The following ROBO2 variants were observed in gnomAD, a reference collection of about 807,000 sequenced individuals.
The protein encoded by ROBO2 is roundabout homolog 2.
In ROBO2, 53 loss-of-function variants were observed where a neutral mutation model predicts 160.8. The ratio of observed to expected loss-of-function variants is 0.33; its 90% CI spans 0.26 to 0.41. The LOEUF (loss-of-function observed/expected upper bound fraction) is 0.41, where lower values mean the gene tolerates loss of function less well. Among genes scored for constraint, ROBO2 ranks in the 10% least tolerant of loss-of-function variants. The pLI, the probability that ROBO2 is intolerant of heterozygous loss-of-function variation, is 1.00. For missense variants in ROBO2, 1,577 were observed against 1,722.4 expected (o/e 0.92, Z 1.49); for synonymous variants, 664 against 611.7 (o/e 1.09, Z -1.26).
intron 4 of ROBO2, among the ~76,000 whole-genome samples, chr3:77,481,691 C>T (rs1405212600): frequency 6.6e-6 from 1 of 152,122 alleles, no homozygotes; most frequent in Admixed American, 6.5e-5. Context: ...TGTATGCACA[C>T]ATATAAATTC....
intron 2 of ROBO2, among the ~76,000 whole-genome samples, chr3:77,372,501 A>G (rs1324244362): frequency 6.6e-6 from 1 of 152,200 alleles, no homozygotes; most frequent in Non-Finnish European, 1.5e-5. Context: ...AATCTCTCAG[A>G]CAACAGATAA....
intron 2 of ROBO2, among the ~76,000 whole-genome samples, chr3:77,292,711 C>A (rs372564282): frequency 1.2e-5 from 1 of 84,046 alleles, no homozygotes; most frequent in Non-Finnish European, 3.5e-5. Flanking sequence ...TCACCCCAGA[C>A]ATAAAGTAAA....
In ROBO2 at chr3:76,735,786, A is replaced by AGG. The variant is rs71104616; in HGVS notation, c.110-362225_110-362224dup. Reference sequence around the variant, plus strand: ...AAAAAAAAAAAAAAAGAAAAAAAAAAGGGGAAAGGGAAAAGAAAAAAGAAA... The same window carrying AGG: ...AAAAAAAAAAAAAAAGAAAAAAAAAAGGGGGGAAAGGGAAAAGAAAAAAGAAA... On this transcript the variant is annotated intron_variant, in intron 2 of 26. Transcript: ENST00000487694. 8.2e-3 allele frequency among the ~76,000 whole-genome samples: 1,043 copies of AGG among 126,596 alleles called. 13 individuals are homozygous for AGG. Among genetic ancestry groups the AGG allele is most frequent in the African/African-American group, 0.029 (987 of 34,024 alleles). The allele number at this position is 126,596 out of a possible 152,430, so 83.1% of individuals were successfully genotyped here.
intron 13 of ROBO2, among the ~76,000 whole-genome samples, chr3:77,573,985 A>G (rs1196274628): frequency 2.6e-5 from 4 of 151,956 alleles, no homozygotes; most frequent in Non-Finnish European, 5.9e-5. Flanking sequence ...TTTTATCCCC[A>G]GAGCTCAGCA....
At chr3:77,211,037 C>T (rs540190045) in intron 2 of ROBO2, among the ~76,000 whole-genome samples, 10 of 152,104 alleles carry the variant, frequency 6.6e-5, no homozygotes, top group East Asian at 3.9e-4. Context: ...TGAATAGTGC[C>T]GCAATAAACA....
At chr3:76,273,632 T>TCATGAGAACTCACTCACGAA (rs1172727388) in intron 2 of ROBO2, among the ~76,000 whole-genome samples, 7 of 152,036 alleles carry the variant, frequency 4.6e-5, no homozygotes, top group African/African-American at 1.7e-4. Context: ...CCATCAGATC[T>TCATGAGAACTCACTCACGAA]CATGAGAACT....
At chr3:76,240,885 T>C (rs557230919) in intron 2 of ROBO2, among the ~76,000 whole-genome samples, 28 of 152,286 alleles carry the variant, frequency 1.8e-4, no homozygotes, top group African/African-American at 6.7e-4. Flanking sequence ...ATGTCAGAAC[T>C]TAGTAAATGA....
chr3:76,706,529 A>G (rs28639836), intron 2 of ROBO2, among the ~76,000 whole-genome samples: 2,519 of 152,050 alleles, frequency 0.017, 60 homozygotes, highest in African/African-American at 0.056. Context: ...AGAATGTCAC[A>G]TGGTTGATTG....
At chr3:76,401,205 GA>G (rs574235968) in intron 2 of ROBO2, among the ~76,000 whole-genome samples, 214 of 151,442 alleles carry the variant, frequency 1.4e-3, no homozygotes, top group South Asian at 2.5e-3. Context: ...AACATTGCAA[GA>G]AAAAAATGTA....
intron 2 of ROBO2, among the ~76,000 whole-genome samples, chr3:76,045,245 C>A (rs569213550): frequency 1.3e-5 from 2 of 152,028 alleles, no homozygotes; most frequent in African/African-American, 2.4e-5. Context: ...TAGCAAAATT[C>A]TTTTACACCT....
intron 2 of ROBO2, among the ~76,000 whole-genome samples, chr3:76,546,905 T>G (rs1432580518): frequency 6.6e-6 from 1 of 151,970 alleles, no homozygotes; most frequent in Non-Finnish European, 1.5e-5. Flanking sequence ...AGGTAAAGTT[T>G]CAACCTCAAG....
intron 2 of ROBO2, among the ~76,000 whole-genome samples, chr3:76,498,035 C>A (rs2080249899): frequency 6.6e-6 from 1 of 152,170 alleles, no homozygotes; most frequent in African/African-American, 2.4e-5. Context: ...TTTACTCATT[C>A]ATTGTCTGCC....
chr3:76,215,918 A>C (rs952465368), intron 2 of ROBO2, among the ~76,000 whole-genome samples: 12 of 152,198 alleles, frequency 7.9e-5, no homozygotes, highest in African/African-American at 2.9e-4. Flanking sequence ...GAGAAAGGTC[A>C]GGTAACCCAC....
At chr3:75,955,552 G>T (rs138604480) in intron 2 of ROBO2, among the ~76,000 whole-genome samples, 373 of 151,596 alleles carry the variant, frequency 2.5e-3, no homozygotes, top group Non-Finnish European at 4.2e-3. Context: ...GTTAATGGGT[G>T]CAGCACACCA....
intron 2 of ROBO2, among the ~76,000 whole-genome samples, chr3:77,297,211 C>T (rs2062227795): frequency 6.6e-6 from 1 of 152,012 alleles, no homozygotes; most frequent in African/African-American, 2.4e-5. Context: ...GTGACAGTGA[C>T]CTAGGGACAT....
intron 2 of ROBO2, among the ~76,000 whole-genome samples, chr3:76,512,322 G>GTATA (rs3043037): frequency 0.018 from 2,505 of 140,414 alleles, 38 homozygotes; most frequent in African/African-American, 0.043. Context: ...ATATATATAT[G>GTATA]TATATATATA....
chr3:76,567,634 T>TC (rs1289560349), intron 2 of ROBO2, among the ~76,000 whole-genome samples: 1 of 84,602 alleles, frequency 1.2e-5, no homozygotes, highest in African/African-American at 4.3e-5. Flanking sequence ...TATATATATA[T>TC]ATATATATAT....
intron 2 of ROBO2, among the ~76,000 whole-genome samples, chr3:77,362,155 G>T (rs1186423139): frequency 6.6e-6 from 1 of 152,090 alleles, no homozygotes; most frequent in East Asian, 1.9e-4. Flanking sequence ...AATTGTTAAA[G>T]AAAACAATCA....
intron 2 of ROBO2, among the ~76,000 whole-genome samples, chr3:77,369,408 C>T (rs2071417860): frequency 6.6e-6 from 1 of 152,112 alleles, no homozygotes; most frequent in South Asian, 2.1e-4. Flanking sequence ...TGAGCTGCAG[C>T]CAGAGGCAGT....
Sources: gnomAD v4.1 joint callset for allele counts (sites outside exome capture counted in the v4.1 genomes callset) on GRCh38, gnomAD v4.1.1 for gene constraint, MANE v1.5 for transcripts, NCBI Gene and HGNC (gene_info 2026-07-23, HGNC 2026-07-21) for gene names.